The following GRM7 variants were observed in gnomAD, a reference collection of about 807,000 sequenced individuals.
GRM7 encodes metabotropic glutamate receptor 7.
GRM7 carries 35 observed loss-of-function variants against 84.5 expected under a neutral mutation model. The ratio of observed to expected loss-of-function variants is 0.41; its 90% CI spans 0.32 to 0.55. The LOEUF (loss-of-function observed/expected upper bound fraction) is 0.55, where lower values mean the gene tolerates loss of function less well. Ranked by LOEUF, GRM7 falls within the 20% of genes least tolerant of loss-of-function variation. The pLI is 0.19. For synonymous variants in GRM7, 487 were observed against 455.1 expected, an observed-to-expected ratio of 1.07 and a Z score of -0.89; for missense variants, 1,003 against 1,194.6, an observed-to-expected ratio of 0.84 and a Z score of 2.36.
intron 2 of GRM7, among the ~76,000 whole-genome samples, chr3:7,155,317 G>C (rs149678061): frequency 6.6e-6 from 1 of 152,122 alleles, no homozygotes; most frequent in East Asian, 1.9e-4. Context: ...CAAAAGTTGG[G>C]TAGTCACAGT....
At chr3:6,901,829 A>T (rs966240043) in intron 1 of GRM7, among the ~76,000 whole-genome samples, 5 of 151,380 alleles carry the variant, frequency 3.3e-5, no homozygotes, top group Non-Finnish European at 7.4e-5. Flanking sequence ...GCTTCCATTT[A>T]TCTTTTTATT....
intron 4 of GRM7, among the ~76,000 whole-genome samples, chr3:7,407,389 T>C (rs139400516): frequency 2.8e-3 from 420 of 152,312 alleles, no homozygotes; most frequent in Middle Eastern, 0.01. Flanking sequence ...ATGTGGGCCA[T>C]TAAGCTCACA....
intron 4 of GRM7, among the ~76,000 whole-genome samples, chr3:7,354,604 T>C (rs1693308904): frequency 1.3e-5 from 2 of 152,144 alleles, no homozygotes; most frequent in Admixed American, 1.3e-4. Context: ...ATCAAGGACT[T>C]GACAGATGTA....
intron 4 of GRM7, among the ~76,000 whole-genome samples, chr3:7,347,049 C>A (rs1309002909): frequency 6.6e-6 from 1 of 152,066 alleles, no homozygotes; most frequent in African/African-American, 2.4e-5. Flanking sequence ...AACAGAACAT[C>A]CACCAGGAAA....
intron 4 of GRM7, among the ~76,000 whole-genome samples, chr3:7,352,758 G>A (rs1693217905): frequency 6.6e-6 from 1 of 152,042 alleles, no homozygotes; most frequent in South Asian, 2.1e-4. Context: ...ACCCCTAGTG[G>A]CAGCAGCACC....
At chr3:7,081,712 GAA>G (rs1266391700) in intron 1 of GRM7, among the ~76,000 whole-genome samples, 1 of 152,068 alleles carries the variant, frequency 6.6e-6, no homozygotes, top group African/African-American at 2.4e-5. Flanking sequence ...GAATGCAAAG[GAA>G]AAGTTATTGA....
rs1700304924 is a variant in GRM7, at chr3:7,680,132, G to GATGCTA, written c.2535_2536insATGCTA (p.Val845_Tyr846insMetLeu). 6.2e-7 allele frequency: 1 copy of GATGCTA among 1,613,984 alleles called. No individual in the cohort carries two copies. The highest frequency in any genetic ancestry group is 1.7e-5 in the Admixed American group (1 of 59,998). On this transcript the variant is annotated inframe_insertion, in exon 9 of 10. Transcript: ENST00000357716. ...TGGGGATGCTATACATGCCGAAAGT[G>GATGCTA]TACATCATCATTTTCCACCCTGAAC...
chr3:7,066,791 T>C (rs918174414), intron 1 of GRM7, among the ~76,000 whole-genome samples: 1 of 151,872 alleles, frequency 6.6e-6, no homozygotes, highest in Non-Finnish European at 1.5e-5. Context: ...ACTAGCTAAC[T>C]GAATCCAAAG....
intron 7 of GRM7, chr3:7,519,627 T>C (rs531343289): frequency 7.6e-4 from 116 of 152,302 alleles, no homozygotes; most frequent in African/African-American, 2.6e-3. Context: ...AAAATAGATT[T>C]ATATCATTTT....
chr3:7,243,063 A>G (rs1361898008), intron 2 of GRM7, among the ~76,000 whole-genome samples: 1 of 152,162 alleles, frequency 6.6e-6, no homozygotes, highest in Non-Finnish European at 1.5e-5. Context: ...ATGTCATGGC[A>G]AAGATAGAAG....
rs567106179 is a variant in GRM7 at position 6,984,755 on chromosome 3, T to C, written c.519+122848T>C. On this transcript the variant is annotated intron_variant, in intron 1 of 9. Coordinates refer to ENST00000357716, the MANE Select transcript of GRM7 (RefSeq NM_000844.4). ...TCAGTTGCACTGATACATCCAGTGA[T>C]ATGAGGTCAGAGTTTCCTGAAAAAT... 1.3e-5 allele frequency among the ~76,000 whole-genome samples: 2 copies of C among 152,152 alleles called. 1 individual carries two copies. Among genetic ancestry groups the C allele is most frequent in the South Asian group, 4.1e-4 (2 of 4,832 alleles).
At position 7,161,508 on chromosome 3, in the gene GRM7, G is replaced by A. The variant is rs183653215; in HGVS notation, c.736+14840G>A. On this transcript the variant is annotated intron_variant, in intron 2 of 9. Transcript: ENST00000357716. ...TGTTTATACTACAGGAATAAAACCA[G>A]TTCCTTCCTTAGAAGGCTTTTTTGA... Among the ~76,000 whole-genome samples, 44 of 151,000 alleles carry A rather than the reference G, an allele frequency of 2.9e-4. No individual in the cohort carries two copies. The East Asian group carries it at 8.2e-3, about 28-fold the overall frequency.
At chr3:6,888,499 C>T (rs1695796379) in intron 1 of GRM7, among the ~76,000 whole-genome samples, 1 of 152,084 alleles carries the variant, frequency 6.6e-6, no homozygotes. Flanking sequence ...ATCCTTTCCC[C>T]ATTGCTTGTT....
At chr3:7,129,976 A>G (rs947398943) in intron 1 of GRM7, among the ~76,000 whole-genome samples, 1 of 152,180 alleles carries the variant, frequency 6.6e-6, no homozygotes, top group African/African-American at 2.4e-5. Context: ...ATTTTTGGAA[A>G]CATCACTACA....
intron 8 of GRM7, among the ~76,000 whole-genome samples, chr3:7,595,811 C>T (rs1345303251): frequency 6.6e-6 from 1 of 152,022 alleles, no homozygotes; most frequent in Admixed American, 6.5e-5. Context: ...CCTGTGTCTG[C>T]AGTGAACAGG....
At chr3:7,037,029 C>G (rs1378755102) in intron 1 of GRM7, among the ~76,000 whole-genome samples, 2 of 152,168 alleles carry the variant, frequency 1.3e-5, no homozygotes, top group African/African-American at 4.8e-5. Flanking sequence ...CAAGAGATGT[C>G]TTAGGACATT....
chr3:7,008,494 A>T (rs78276583), intron 1 of GRM7, among the ~76,000 whole-genome samples: 1 of 152,230 alleles, frequency 6.6e-6, no homozygotes, highest in Non-Finnish European at 1.5e-5. Context: ...ACTCTCTTCA[A>T]CCAGGAGAAA....
At chr3:7,298,401 T>G (rs992188810) in intron 2 of GRM7, among the ~76,000 whole-genome samples, 1 of 152,174 alleles carries the variant, frequency 6.6e-6, no homozygotes, top group African/African-American at 2.4e-5. Flanking sequence ...TCTTCCTACC[T>G]AAACCTGCCT....
At chr3:6,975,552 G>A (rs555260652) in intron 1 of GRM7, among the ~76,000 whole-genome samples, 2 of 152,260 alleles carry the variant, frequency 1.3e-5, no homozygotes, top group Admixed American at 1.3e-4. Context: ...TTTATATCAT[G>A]ACCCACTAAA....
Sources: allele counts gnomAD v4.1 joint callset (sites outside exome capture counted in the v4.1 genomes callset), GRCh38; gene constraint gnomAD v4.1.1; transcripts MANE v1.5; gene names NCBI Gene and HGNC (gene_info 2026-07-23, HGNC 2026-07-21).